The following ARPP19 variants were observed in gnomAD, a reference collection of about 807,000 sequenced individuals.
ARPP19 encodes cAMP-regulated phosphoprotein 19.
In ARPP19, 8 loss-of-function variants were observed where a neutral mutation model predicts 12.0. The observed-to-expected ratio is 0.67, with a 90% CI of 0.39 to 1.21. The LOEUF is 1.21. Among genes scored for constraint, ARPP19 ranks in the 50% most tolerant of loss-of-function variants. The pLI is 0.01. For synonymous variants in ARPP19, 47 were observed against 50.4 expected, an observed-to-expected ratio of 0.93 and a Z score of 0.29; for missense variants, 102 against 136.3, an observed-to-expected ratio of 0.75 and a Z score of 1.25.
chr15:52,547,860 C>T lies in ARPP19; in HGVS notation c.*4074G>A, dbSNP rs2141712059. The T allele has an allele frequency of 6.6e-6, 1 of 152,244 alleles. No homozygotes were observed. The highest frequency in any genetic ancestry group is 1.5e-5 in the Non-Finnish European group (1 of 68,024). The allele number at this position is 152,244 out of a possible 1,614,324, so 9.4% of individuals were successfully genotyped here. On this transcript the variant is annotated 3_prime_UTR_variant, in exon 3 of 3. Transcript: ENST00000249822. ...ATATTAAGGAACAATGACTCATTAG[C>T]CCTAAATACAATTTAATGAGTGCCA...
At chr15:52,569,288 G>A, upstream of ARPP19, 2 of 264,012 alleles carry the variant, frequency 7.6e-6, no homozygotes, top group South Asian at 7.8e-5. Context: ...TGGTCCCCTC[G>A]TTCTAGGAGC....
chr15:52,562,551 C>T (rs904183527), intron 1 of ARPP19, among the ~76,000 whole-genome samples: 7 of 151,896 alleles, frequency 4.6e-5, no homozygotes, highest in African/African-American at 7.3e-5. Context: ...GCTTATATGC[C>T]TATAGTCCTG....
chr15:52,551,629 C>T lies in ARPP19; in HGVS notation c.*305G>A, dbSNP rs1439257232. ...TAAGATGAAGTAATGAAAGCCAAAACATTAAAATTTTAAAACTTGCTTGTT... is the reference window on the plus strand; with the variant it reads ...TAAGATGAAGTAATGAAAGCCAAAATATTAAAATTTTAAAACTTGCTTGTT... On this transcript the variant is annotated 3_prime_UTR_variant, in exon 3 of 3. Coordinates refer to ENST00000249822, the MANE Select transcript of ARPP19 (RefSeq NM_006628.6). The T allele has an allele frequency of 1.8e-5, 4 of 224,684 alleles. No homozygotes were observed. The highest frequency in any genetic ancestry group is 2.6e-5 in the Non-Finnish European group (3 of 115,308). 13.9% of individuals were successfully genotyped at this position (224,684 alleles called of 1,614,324 possible). A position where few individuals can be genotyped will look rare whatever the true frequency, so the allele number is the denominator to read the frequency against.
In ARPP19 at chr15:52,552,003, G is replaced by T; in HGVS notation, c.270C>A (p.Asp90Glu). 4 of 1,612,086 alleles carry T rather than the reference G, an allele frequency of 2.5e-6. No homozygotes were observed. Among genetic ancestry groups the T allele is most frequent in the Non-Finnish European group, 3.4e-6 (4 of 1,178,112 alleles). Reference sequence around the variant, plus strand: ...GAAGGTCTTGCGGAGTGGGAATGTGGTCACCAGTGACCTCCGTCTTATCCG... The same window carrying T: ...GAAGGTCTTGCGGAGTGGGAATGTGTTCACCAGTGACCTCCGTCTTATCCG... ...AAPDKTEVTG[D>E]HIPTPQDLPQ... The change falls in exon 3 of 3, where the codon GAC (aspartate) becomes GAA (glutamate). Residue 90 changes from aspartate (D) to glutamate (E), a missense_variant. Coordinates refer to ENST00000249822, the MANE Select transcript of ARPP19 (RefSeq NM_006628.6).
rs748749995 is a variant in ARPP19 at position 52,568,938 on chromosome 15, G to A, written c.-46C>T. ...GACGCCGGGAAAAGATGCAATTAGC[G>A]GGTGGCCGAGGCCACCCGGCCGCCG... On this transcript the variant is annotated 5_prime_UTR_variant, in exon 1 of 3. Coordinates refer to ENST00000249822, the MANE Select transcript of ARPP19 (RefSeq NM_006628.6). 2.1e-6 allele frequency: 3 copies of A among 1,462,942 alleles called. No individual in the cohort carries two copies. The highest frequency in any genetic ancestry group is 2.4e-5 in the South Asian group (2 of 82,366). 90.6% of individuals were successfully genotyped at this position (1,462,942 alleles called of 1,614,324 possible).
chr15:52,558,446 G>A (rs570914441), intron 1 of ARPP19, among the ~76,000 whole-genome samples: 7 of 145,298 alleles, frequency 4.8e-5, no homozygotes, highest in Non-Finnish European at 1.0e-4. Flanking sequence ...CAGGTCTAGC[G>A]AGAACTTGTC....
In ARPP19 at chr15:52,550,280, T is replaced by C. The variant is rs2077916950; in HGVS notation, c.*1654A>G. On this transcript the variant is annotated 3_prime_UTR_variant, in exon 3 of 3. Transcript: ENST00000249822. ...TAAGCCACAAGTAAAACTAAATTGG[T>C]ATTTTACTAAAGTGACATCTACAGA... is the stretch of plus-strand genomic sequence containing the variant. The C allele has an allele frequency of 6.6e-6, 1 of 152,216 alleles. No homozygotes were observed. Among genetic ancestry groups the C allele is most frequent in the African/African-American group, 2.4e-5 (1 of 41,454 alleles). 9.4% of individuals were successfully genotyped at this position (152,216 alleles called of 1,614,324 possible). A position where few individuals can be genotyped will look rare whatever the true frequency, so the allele number is the denominator to read the frequency against.
At chr15:52,565,930 C>A (rs1194892358) in intron 1 of ARPP19, among the ~76,000 whole-genome samples, 3 of 152,166 alleles carry the variant, frequency 2.0e-5, no homozygotes, top group Non-Finnish European at 4.4e-5. Flanking sequence ...TCTCGGCTAA[C>A]TGCACCCTCC....
chr15:52,568,118 A>G (rs567533037), intron 1 of ARPP19, among the ~76,000 whole-genome samples: 1 of 152,382 alleles, frequency 6.6e-6, no homozygotes, highest in African/African-American at 2.4e-5. Context: ...TACATCAGGA[A>G]GACACAAGGG....
chr15:52,551,278 CA>C lies in ARPP19; in HGVS notation c.*655del, dbSNP rs2077928051. 6.5e-6 allele frequency: 1 copy of C among 152,696 alleles called. No homozygotes were observed. The highest frequency in any genetic ancestry group is 2.4e-5 in the African/African-American group (1 of 41,472). The allele number at this position is 152,696 out of a possible 1,614,324, so 9.5% of individuals were successfully genotyped here. On this transcript the variant is annotated 3_prime_UTR_variant, in exon 3 of 3. Coordinates refer to ENST00000249822, the MANE Select transcript of ARPP19 (RefSeq NM_006628.6). ...ATGCATACTTCATTCACATCTTCAA[CA>C]ACAAAAGGTATTCTAACTCTACAGA...
intron 1 of ARPP19, 114 bp from the exon 2 acceptor site, chr15:52,557,336 T>C: frequency 1.2e-6 from 1 of 821,058 alleles, no homozygotes; most frequent in South Asian, 1.8e-5. Flanking sequence ...TACCACAGCA[T>C]CTGACTAAGA....
intron 2 of ARPP19, among the ~76,000 whole-genome samples, chr15:52,553,475 C>T (rs146680933): frequency 6.6e-6 from 1 of 152,322 alleles, no homozygotes; most frequent in East Asian, 1.9e-4. Context: ...TTACACCTAT[C>T]ATGCTGAGCC....
chr15:52,549,823 A>C lies in ARPP19; in HGVS notation c.*2111T>G, dbSNP rs1378070184. 2 of 152,568 alleles carry C rather than the reference A, an allele frequency of 1.3e-5. No homozygotes were observed. Among genetic ancestry groups the C allele is most frequent in the Non-Finnish European group, 2.9e-5 (2 of 68,036 alleles). The allele number at this position is 152,568 out of a possible 1,614,324, so 9.5% of individuals were successfully genotyped here. Reference sequence around the variant, plus strand: ...ACTCTGGGTTATTTTAAACTTCTTAAATTGATTCTATAATGAGTATATACT... The same window carrying C: ...ACTCTGGGTTATTTTAAACTTCTTACATTGATTCTATAATGAGTATATACT... On this transcript the variant is annotated 3_prime_UTR_variant, in exon 3 of 3. Coordinates refer to ENST00000249822, the MANE Select transcript of ARPP19 (RefSeq NM_006628.6).
intron 2 of ARPP19, 82 bp downstream of exon 2, chr15:52,557,018 C>G (rs368087804): frequency 6.9e-7 from 1 of 1,439,002 alleles, no homozygotes; most frequent in Non-Finnish European, 9.6e-7. Context: ...CAATGCTATA[C>G]GCACAGATAT....
intron 1 of ARPP19, among the ~76,000 whole-genome samples, chr15:52,565,594 AG>A (rs1401080322): frequency 6.6e-6 from 1 of 152,212 alleles, no homozygotes; most frequent in Non-Finnish European, 1.5e-5. Flanking sequence ...CAAGAAAATG[AG>A]AAAAGAATGG....
chr15:52,553,309 A>AT (rs1218764856), intron 2 of ARPP19, among the ~76,000 whole-genome samples: 2 of 152,048 alleles, frequency 1.3e-5, no homozygotes, highest in Non-Finnish European at 2.9e-5. Flanking sequence ...CACCTCCTCC[A>AT]TTTTTCACAG....
rs2077912187 is a variant in ARPP19 at position 52,549,790 on chromosome 15, G to T, written c.*2144C>A. 1 of 152,446 alleles carries T rather than the reference G, an allele frequency of 6.6e-6. No homozygotes were observed. Among genetic ancestry groups the T allele is most frequent in the Admixed American group, 6.6e-5 (1 of 15,252 alleles). 9.4% of individuals were successfully genotyped at this position (152,446 alleles called of 1,614,324 possible). On this transcript the variant is annotated 3_prime_UTR_variant, in exon 3 of 3. Coordinates refer to ENST00000249822, the MANE Select transcript of ARPP19 (RefSeq NM_006628.6). ...ATGAAAAAAACCAAGACTAGATATA[G>T]AAATTCTACTCTGGGTTATTTTAAA...
chr15:52,567,239 A>G (rs1370926547), intron 1 of ARPP19, among the ~76,000 whole-genome samples: 3 of 152,240 alleles, frequency 2.0e-5, no homozygotes, highest in African/African-American at 7.2e-5. Context: ...CAGCAGCTAA[A>G]ACCAAAGCAC....
intron 2 of ARPP19, among the ~76,000 whole-genome samples, chr15:52,553,856 T>C (rs1465364760): frequency 6.6e-6 from 1 of 152,248 alleles, no homozygotes; most frequent in Non-Finnish European, 1.5e-5. Context: ...CCACCACTTT[T>C]TGATAAGCCA....
Sources: allele counts gnomAD v4.1 joint callset (sites outside exome capture counted in the v4.1 genomes callset), GRCh38; gene constraint gnomAD v4.1.1; transcripts MANE v1.5; gene names NCBI Gene and HGNC (gene_info 2026-07-23, HGNC 2026-07-21).